SLC25A51: variants seen among roughly 807,000 people sequenced by gnomAD.
SLC25A51 encodes the protein solute carrier family 25 member 51.
SLC25A51 carries 11 observed loss-of-function variants against 19.1 expected under a neutral mutation model. The ratio of observed to expected loss-of-function variants is 0.58; its 90% confidence interval spans 0.36 to 0.96. The LOEUF (loss-of-function observed/expected upper bound fraction) is 0.96, where lower values mean the gene tolerates loss of function less well. SLC25A51 is among the 40% of genes least tolerant of loss of function. SLC25A51 has a pLI of 0.01. For missense variants in SLC25A51, 201 were observed against 365.4 expected (o/e 0.55, Z 3.67); for synonymous variants, 105 against 133.6 (o/e 0.79, Z 1.47).
At position 37,888,077 on chromosome 9, in the gene SLC25A51, G is replaced by C. The variant is rs4008240; in HGVS notation, c.474C>G (p.Tyr158Ter). ...HKHHDKFTNT[Y>*]QAFKALKCHG... ...GACATTTCAGTGCCTTGAAAGCCTG[G>C]TAAGTGTTGGTAAATTTGTCATGAT... The change falls in exon 3 of 3, where the codon TAC becomes TAG. Residue 158 changes from tyrosine to a stop codon, truncating the protein, a stop_gained. Coordinates refer to ENST00000242275, the MANE Select transcript of SLC25A51 (RefSeq NM_033412.4). LOFTEE classifies it high-confidence loss of function. 2 of 1,613,858 alleles carry C rather than the reference G, an allele frequency of 1.2e-6. No individual in the cohort carries two copies. Among genetic ancestry groups the C allele is most frequent in the Non-Finnish European group, 8.5e-7 (1 of 1,179,862 alleles).
chr9:37,892,932 T>C (rs549486133), intron 2 of SLC25A51, among the ~76,000 whole-genome samples: 1 of 152,006 alleles, frequency 6.6e-6, no homozygotes, highest in Admixed American at 6.6e-5. Flanking sequence ...TAAAGACAGA[T>C]TTTTGCTGTG....
At chr9:37,902,653 C>A (rs1318693604) in intron 1 of SLC25A51, among the ~76,000 whole-genome samples, 2 of 152,142 alleles carry the variant, frequency 1.3e-5, no homozygotes, top group African/African-American at 2.4e-5. Flanking sequence ...GTGGATAATT[C>A]TTTGCAATTT....
At chr9:37,890,623 G>C (rs142249608) in intron 2 of SLC25A51, among the ~76,000 whole-genome samples, 3 of 152,074 alleles carry the variant, frequency 2.0e-5, no homozygotes, top group African/African-American at 7.2e-5. Context: ...TTGAGCCCAG[G>C]AAGTTCAGGC....
chr9:37,890,877 C>CA (rs890326311), intron 2 of SLC25A51, among the ~76,000 whole-genome samples: 9 of 152,186 alleles, frequency 5.9e-5, no homozygotes, highest in African/African-American at 2.2e-4. Flanking sequence ...ATAAAAACAA[C>CA]AAAAAACCGT....
downstream of SLC25A51, among the ~76,000 whole-genome samples, chr9:37,883,821 TG>T (rs1447901327): frequency 6.6e-6 from 1 of 152,278 alleles, no homozygotes; most frequent in Non-Finnish European, 1.5e-5. Flanking sequence ...TCCTTACATC[TG>T]CACCTTGAAA....
downstream of SLC25A51, chr9:37,879,043 T>C (rs10973593): frequency 0.15 from 49,487 of 327,072 alleles, 4,525 homozygotes; most frequent in South Asian, 0.21. Flanking sequence ...TGTTATAGTA[T>C]TGATGGGTTC....
chr9:37,889,369 G>A (rs926545698), intron 2 of SLC25A51, among the ~76,000 whole-genome samples: 3 of 152,086 alleles, frequency 2.0e-5, no homozygotes, highest in Admixed American at 6.5e-5. Flanking sequence ...ATGTGCCAAG[G>A]TGAACAATTA....
At chr9:37,880,071 G>C (rs1467924505) in exon 4 of SLC25A51, 2 of 152,302 alleles carry the variant, frequency 1.3e-5, no homozygotes, top group African/African-American at 2.4e-5. Flanking sequence ...TGTAATCCCA[G>C]CACTTTGGGA....
rs547086753 is a variant in SLC25A51, at chr9:37,891,391, C to T, written c.-42-2799G>A. Among the ~76,000 whole-genome samples, 45 of 152,252 alleles carry T rather than the reference C, an allele frequency of 3.0e-4. No individual in the cohort carries two copies. In the South Asian group the frequency reaches 8.9e-3, roughly 30 times the overall value. On this transcript the variant is annotated intron_variant, in intron 2 of 2. Coordinates refer to ENST00000242275, the MANE Select transcript of SLC25A51 (RefSeq NM_033412.4). ...GCTCATTGAGAACGGGCCATGATGA[C>T]GATGGCGGTTTTGTCGAATAGAAAA...
rs1554693907 is a variant in SLC25A51 at position 37,891,865 on chromosome 9, A to AT, written c.-42-3274dup. On this transcript the variant is annotated intron_variant, in intron 2 of 2. Coordinates refer to ENST00000242275, the MANE Select transcript of SLC25A51 (RefSeq NM_033412.4). ...AAGAATGATAAAAAAAAAAAAAAAA[A>AT]TTTTATATATATATATATACACACA... Among the ~76,000 whole-genome samples the AT allele has an allele frequency of 3.8e-5, 5 of 132,844 alleles. No individual in the cohort carries two copies. The South Asian group carries it at 6.9e-4, about 18-fold the overall frequency. 87.2% of individuals were successfully genotyped at this position (132,844 alleles called of 152,430 possible). A position where few individuals can be genotyped will look rare whatever the true frequency, so the allele number is the denominator to read the frequency against.
intron 2 of SLC25A51, among the ~76,000 whole-genome samples, chr9:37,897,175 C>T (rs1214405044): frequency 6.6e-6 from 1 of 152,048 alleles, no homozygotes; most frequent in Admixed American, 6.6e-5. Flanking sequence ...TTATTTCTTA[C>T]ATCTATGTAT....
Position 37,887,631 on chromosome 9 carries a change from T to A in SLC25A51, c.*26A>T. ...CTTCTTAGAAGGTCTATTCAGTTGA[T>A]AAATGGCACTTAACTGATGGTTTTT... is the stretch of plus-strand genomic sequence containing the variant. On this transcript the variant is annotated 3_prime_UTR_variant, in exon 3 of 3. Transcript: ENST00000242275. 1 of 1,585,368 alleles carries A rather than the reference T, an allele frequency of 6.3e-7. No individual in the cohort carries two copies. Among genetic ancestry groups the A allele is most frequent in the Non-Finnish European group, 8.6e-7 (1 of 1,168,150 alleles).
At chr9:37,894,162 T>C (rs192747278) in intron 2 of SLC25A51, among the ~76,000 whole-genome samples, 448 of 152,284 alleles carry the variant, frequency 2.9e-3, no homozygotes, top group Non-Finnish European at 5.7e-3. Context: ...TGCTGTTTTT[T>C]TTTATGGTTT....
chr9:37,885,977 G>C, downstream of SLC25A51: 1 of 1,613,778 alleles, frequency 6.2e-7, no homozygotes, highest in Non-Finnish European at 8.5e-7. Flanking sequence ...CACTTGGATT[G>C]TGGAGTTCTT....
At chr9:37,890,124 C>T (rs925134314) in intron 2 of SLC25A51, among the ~76,000 whole-genome samples, 1 of 152,082 alleles carries the variant, frequency 6.6e-6, no homozygotes, top group Non-Finnish European at 1.5e-5. Flanking sequence ...GTGGCTTATG[C>T]CTGTAATCCC....
At chr9:37,886,164 T>G (rs1384894882), downstream of SLC25A51, 3 of 1,456,228 alleles carry the variant, frequency 2.1e-6, no homozygotes, top group Admixed American at 5.0e-5. Context: ...ACCCTGATCC[T>G]GTTCCAAGGT....
At chr9:37,882,776 C>A (rs1009336382), downstream of SLC25A51, among the ~76,000 whole-genome samples, 1 of 152,146 alleles carries the variant, frequency 6.6e-6, no homozygotes, top group African/African-American at 2.4e-5. Flanking sequence ...CGCTCATGAG[C>A]CATTTGTGCC....
chr9:37,885,881 C>A (rs972915976), downstream of SLC25A51: 31 of 1,591,838 alleles, frequency 1.9e-5, no homozygotes, highest in South Asian at 2.8e-4. Flanking sequence ...CGTGCAAACC[C>A]CCCCCTCCCC....
downstream of SLC25A51, chr9:37,885,645 G>A: frequency 1.1e-6 from 1 of 902,856 alleles, no homozygotes; most frequent in Non-Finnish European, 1.9e-6. Flanking sequence ...GGGCCTCAGA[G>A]AAGACTCGGA....
Sources: gnomAD v4.1 joint callset for allele counts (sites outside exome capture counted in the v4.1 genomes callset) on GRCh38, gnomAD v4.1.1 for gene constraint, MANE v1.5 for transcripts, NCBI Gene and HGNC (gene_info 2026-07-23, HGNC 2026-07-21) for gene names.